Variants in SRPX observed in about 807,000 individuals in gnomAD.
SRPX encodes the protein sushi repeat containing protein X-linked.
In SRPX, 24 loss-of-function variants were observed where a neutral mutation model predicts 38.1. The observed-to-expected ratio is 0.63, with a 90% CI of 0.46 to 0.89. The LOEUF is 0.89. SRPX is among the 40% of genes least tolerant of loss of function. SRPX has a pLI of 0.00. For synonymous variants in SRPX, 184 were observed against 153.8 expected (o/e 1.20, Z -1.45); for missense variants, 416 against 377.8 (o/e 1.10, Z -0.84).
chrX:38,208,309 C>G (rs1939251098), intron 1 of SRPX, among the ~76,000 whole-genome samples: 1 of 111,749 alleles, frequency 8.9e-6, no homozygotes, highest in Non-Finnish European at 1.9e-5. Context: ...TGAAGACCCC[C>G]TTGTGGCCCC....
Position 38,174,218 on chromosome X carries a change from G to A in SRPX, c.291C>T (p.Gly97=). 1 of 1,148,794 alleles carries A rather than the reference G, an allele frequency of 8.7e-7. No homozygotes were observed. Among genetic ancestry groups the A allele is most frequent in the Non-Finnish European group, 1.2e-6 (1 of 866,631 alleles). 94.7% of individuals were successfully genotyped at this position (1,148,794 alleles called of 1,213,427 possible). ...TTGACTGGCAGATCAGTAGGGAAGA[G>A]CCATGCAGCTCGTAGCCCTTCTGGC... ...IRCQKGYELH[G]SSLLICQSNK... is the part of the protein sequence containing the mutation. The change falls in exon 3 of 10, where the codon GGC becomes GGT. Residue 97 remains glycine (G), a synonymous_variant. Coordinates refer to ENST00000378533, the MANE Select transcript of SRPX (RefSeq NM_006307.5).
chrX:38,181,795 A>G (rs1316294023), intron 1 of SRPX, among the ~76,000 whole-genome samples: 1 of 111,979 alleles, frequency 8.9e-6, no homozygotes, highest in Non-Finnish European at 1.9e-5. Context: ...ACCAATTAAG[A>G]AATGAATATA....
chrX:38,171,726 G>C (rs1205053479), intron 4 of SRPX, among the ~76,000 whole-genome samples, 155 bp downstream of exon 4: 1 of 112,190 alleles, frequency 8.9e-6, no homozygotes, highest in African/African-American at 3.2e-5. Context: ...GTTAGATCTA[G>C]GGCTGAGCCA....
At position 38,220,783 on chromosome X, in the gene SRPX, G is replaced by T. The variant is rs1939509776; in HGVS notation, c.10C>A (p.Pro4Thr). The change falls in exon 1 of 10, where the codon CCC (proline) becomes ACC (threonine). Residue 4 changes from proline to threonine, a missense_variant. Physicochemically the swap from Pro to Thr is conservative, Grantham distance 38 (BLOSUM62 -1). Transcript: ENST00000378533. MGS[P>T]AHRPALLLLL... is the part of the protein sequence containing the mutation. ...AGCAGCAGCGCGGGCCGATGTGCGG[G>T]GCTCCCCATGGCGAGCGGGCGCTTA... 1 of 1,107,339 alleles carries T rather than the reference G, an allele frequency of 9.0e-7. No homozygotes were observed. The highest frequency in any genetic ancestry group is 1.2e-6 in the Non-Finnish European group (1 of 852,466). The allele number at this position is 1,107,339 out of a possible 1,213,427, so 91.3% of individuals were successfully genotyped here.
At chrX:38,193,622 T>C (rs1938945616) in intron 1 of SRPX, among the ~76,000 whole-genome samples, 1 of 112,351 alleles carries the variant, frequency 8.9e-6, no homozygotes. Context: ...ATGGCAACTT[T>C]TTGTCTCATT....
At chrX:38,212,543 G>T (rs757116334) in intron 1 of SRPX, among the ~76,000 whole-genome samples, 1 of 111,721 alleles carries the variant, frequency 9.0e-6, no homozygotes, top group South Asian at 3.8e-4. Context: ...GATTCAGTAG[G>T]TCTTGGGTTT....
chrX:38,187,423 A>G (rs1281270549), intron 1 of SRPX, among the ~76,000 whole-genome samples: 1 of 111,971 alleles, frequency 8.9e-6, no homozygotes, highest in Non-Finnish European at 1.9e-5. Flanking sequence ...CATACAGTCA[A>G]TCTTTTTCAG....
At chrX:38,196,403 A>C (rs1939000845) in intron 1 of SRPX, among the ~76,000 whole-genome samples, 1 of 112,586 alleles carries the variant, frequency 8.9e-6, no homozygotes, top group Non-Finnish European at 1.9e-5. Flanking sequence ...AGTTTCATGG[A>C]ACAATATTTA....
chrX:38,220,196 C>A (rs1472319036), intron 1 of SRPX, among the ~76,000 whole-genome samples: 1 of 113,615 alleles, frequency 8.8e-6, no homozygotes, highest in Non-Finnish European at 1.9e-5. Context: ...AGGGGAGGCC[C>A]CGCCCGTGCC....
intron 1 of SRPX, among the ~76,000 whole-genome samples, chrX:38,220,062 G>T (rs1446535455): frequency 8.8e-6 from 1 of 113,298 alleles, no homozygotes; most frequent in African/African-American, 3.2e-5. Context: ...AGATCCTTGC[G>T]CGAGTAGCCC....
intron 7 of SRPX, among the ~76,000 whole-genome samples, chrX:38,158,888 G>A (rs761180761): frequency 2.7e-5 from 3 of 110,657 alleles, no homozygotes; most frequent in Non-Finnish European, 5.7e-5. Context: ...GCTGGGGCAG[G>A]AGAATCACTG....
intron 1 of SRPX, among the ~76,000 whole-genome samples, chrX:38,213,662 G>A (rs961933337): frequency 8.9e-6 from 1 of 111,761 alleles, no homozygotes; most frequent in African/African-American, 3.3e-5. Flanking sequence ...TTGAGACTGG[G>A]TAATTTATAA....
intron 1 of SRPX, among the ~76,000 whole-genome samples, chrX:38,204,074 G>T (rs1328872416): frequency 8.9e-6 from 1 of 112,101 alleles, no homozygotes; most frequent in Non-Finnish European, 1.9e-5. Context: ...AAAAATGTTT[G>T]TGAAAGAAAT....
chrX:38,219,949 A>T (rs1249384163), intron 1 of SRPX, among the ~76,000 whole-genome samples: 2 of 112,805 alleles, frequency 1.8e-5, no homozygotes, highest in African/African-American at 6.4e-5. Context: ...TGCATCTCCA[A>T]AGAGAATTTT....
At position 38,183,897 on chromosome X, in the gene SRPX, A is replaced by C. The variant is rs753005712; in HGVS notation, c.98-5553T>G. Among the ~76,000 whole-genome samples, 7 of 111,804 alleles carry C rather than the reference A, an allele frequency of 6.3e-5. No homozygotes were observed. In the South Asian group the frequency reaches 2.7e-3, roughly 43 times the overall value. On this transcript the variant is annotated intron_variant, in intron 1 of 9. Transcript: ENST00000378533. ...GCCATACCTGGAGCCAACTGCATTTATAATTTTGCTCTCCTTGCAAAAACT... is the reference window on the plus strand; with the variant it reads ...GCCATACCTGGAGCCAACTGCATTTCTAATTTTGCTCTCCTTGCAAAAACT...
Position 38,158,106 on chromosome X carries a change from G to T in SRPX, c.956-1077C>A, listed in dbSNP as rs1402678046. Reference sequence around the variant, plus strand: ...CTGCTGGGGAAAGGGGTGCAGAGAGGCAGAAGGGTAAGAGAATGGGCAGTG... The same window carrying T: ...CTGCTGGGGAAAGGGGTGCAGAGAGTCAGAAGGGTAAGAGAATGGGCAGTG... On this transcript the variant is annotated intron_variant, in intron 7 of 9. Transcript: ENST00000378533. Among the ~76,000 whole-genome samples the T allele has an allele frequency of 2.7e-5, 3 of 112,334 alleles. No individual in the cohort carries two copies. In the Admixed American group the frequency reaches 2.8e-4, roughly 11 times the overall value.
intron 9 of SRPX, among the ~76,000 whole-genome samples, 154 bp downstream of exon 9, chrX:38,154,308 T>C (rs771944121): frequency 2.9e-4 from 32 of 112,229 alleles, no homozygotes; most frequent in Non-Finnish European, 5.1e-4. Flanking sequence ...AACAGCAACA[T>C]ACTGATTAGT....
rs1939283883 is a variant in SRPX at position 38,209,788 on chromosome X, T to C, written c.97+10908A>G. Among the ~76,000 whole-genome samples the C allele has an allele frequency of 2.7e-5, 3 of 112,528 alleles. No individual in the cohort carries two copies. The Admixed American group carries it at 2.8e-4, about 11-fold the overall frequency. On this transcript the variant is annotated intron_variant, in intron 1 of 9. Coordinates refer to ENST00000378533, the MANE Select transcript of SRPX (RefSeq NM_006307.5). ...AAAAACACATTTTAAAGAACACATG[T>C]TGGCAACACCCAAAAGTTGGTGGCT... is the stretch of plus-strand genomic sequence containing the variant.
chrX:38,187,354 T>C (rs1282216653), intron 1 of SRPX, among the ~76,000 whole-genome samples: 2 of 112,262 alleles, frequency 1.8e-5, no homozygotes, highest in Admixed American at 9.4e-5. Context: ...ATTTGTGATT[T>C]AGAAAATCTT....
Sources: allele counts gnomAD v4.1 joint callset (sites outside exome capture counted in the v4.1 genomes callset), GRCh38; gene constraint gnomAD v4.1.1; transcripts MANE v1.5; gene names NCBI Gene and HGNC (gene_info 2026-07-23, HGNC 2026-07-21).